FGD2: variants seen among roughly 807,000 people sequenced by gnomAD.
The protein encoded by FGD2 is FYVE, RhoGEF and PH domain-containing protein 2.
FGD2 carries 52 observed loss-of-function variants against 75.9 expected under a neutral mutation model. That is an observed-to-expected ratio of 0.69 (90% confidence interval 0.55 to 0.86). The LOEUF (loss-of-function observed/expected upper bound fraction) is 0.86. Among genes scored for constraint, FGD2 ranks in the 40% least tolerant of loss-of-function variants. The pLI, the probability that FGD2 is intolerant of heterozygous loss-of-function variation, is 0.00. For synonymous variants in FGD2, 347 were observed against 348.6 expected, an observed-to-expected ratio of 1.00 and a Z score of 0.05; for missense variants, 790 against 872.0, an observed-to-expected ratio of 0.91 and a Z score of 1.18.
chr6:37,028,208 C>T lies in FGD2; in HGVS notation c.*45C>T. The T allele has an allele frequency of 2.7e-6, 4 of 1,466,602 alleles. No individual in the cohort carries two copies. In the South Asian group the frequency reaches 5.4e-5, roughly 20 times the overall value. 90.8% of individuals were successfully genotyped at this position (1,466,602 alleles called of 1,614,324 possible). ...CTGCCCACCTCTCCCCACCCTGAACCCAGCTCCTGCCACAGACTGACCCTG... is the reference window on the plus strand; with the variant it reads ...CTGCCCACCTCTCCCCACCCTGAACTCAGCTCCTGCCACAGACTGACCCTG... On this transcript the variant is annotated 3_prime_UTR_variant, in exon 16 of 16. Coordinates refer to ENST00000274963, the MANE Select transcript of FGD2 (RefSeq NM_173558.4).
chr6:37,020,561 T>C lies in FGD2; in HGVS notation c.1143T>C (p.Ala381=). The C allele has an allele frequency of 6.2e-7, 1 of 1,608,326 alleles. No homozygotes were observed. The highest frequency in any genetic ancestry group is 1.7e-5 in the Admixed American group (1 of 59,372). The change falls in exon 10 of 16, where the codon GCT becomes GCC. Residue 381 remains alanine (A), a synonymous_variant. Coordinates refer to ENST00000274963, the MANE Select transcript of FGD2 (RefSeq NM_173558.4). ...GGCAGGTGCGGGAGCTGATGGATGC[T>C]GAGTTTCCCCACTCCTTCCTGGTGT... is the stretch of plus-strand genomic sequence containing the variant. ...AGMKVRELMD[A]EFPHSFLVSG...
intron 13 of FGD2, chr6:37,025,510 C>T (rs979304685): frequency 1.5e-5 from 7 of 458,982 alleles, no homozygotes; most frequent in Non-Finnish European, 2.4e-5. Context: ...TCGGAGGGAA[C>T]CTGGAGGGGA....
intron 6 of FGD2, 177 bp downstream of exon 6, chr6:37,014,277 CAG>C: frequency 2.5e-6 from 2 of 797,448 alleles, no homozygotes; most frequent in South Asian, 3.7e-5. Context: ...CACTAAGGCC[CAG>C]AGAGGTTTAG....
At chr6:37,007,629 T>G (rs1485737817) in intron 1 of FGD2, among the ~76,000 whole-genome samples, 2 of 152,236 alleles carry the variant, frequency 1.3e-5, no homozygotes, top group Non-Finnish European at 2.9e-5. Context: ...ACCAACTGCC[T>G]TGGCCTGGGC....
intron 4 of FGD2, among the ~76,000 whole-genome samples, chr6:37,012,639 A>T (rs1765065261): frequency 6.6e-6 from 1 of 151,512 alleles, no homozygotes; most frequent in African/African-American, 2.4e-5. Flanking sequence ...TGGAGCCCGG[A>T]AAGTCGAGGC....
intron 14 of FGD2, among the ~76,000 whole-genome samples, chr6:37,026,750 A>G (rs1044769036): frequency 2.0e-5 from 3 of 152,046 alleles, no homozygotes; most frequent in African/African-American, 7.3e-5. Context: ...CTGTAATCCC[A>G]GCACTTTGGG....
Position 37,007,385 on chromosome 6 carries a change from G to A in FGD2, c.69-1449G>A, listed in dbSNP as rs115668457. 4.6e-3 allele frequency among the ~76,000 whole-genome samples: 695 copies of A among 152,326 alleles called. 2 individuals carry two copies. Among genetic ancestry groups the A allele is most frequent in the African/African-American group, 0.016 (664 of 41,580 alleles). On this transcript the variant is annotated intron_variant, in intron 1 of 15. Transcript: ENST00000274963. The stretch of plus-strand genomic sequence containing the variant: ...CAAGCTCGTCCTGTTCAGCACCAAA[G>A]ACAGCTCTTGGGTGCCGCCTTCCTG...
chr6:37,016,607 C>T (rs1321922069), intron 9 of FGD2, among the ~76,000 whole-genome samples: 3 of 151,010 alleles, frequency 2.0e-5, no homozygotes, highest in Admixed American at 2.0e-4. Context: ...AATCTCGGCT[C>T]ACTGCAACCT....
chr6:37,027,199 G>A (rs952346890), intron 14 of FGD2, among the ~76,000 whole-genome samples: 6 of 152,148 alleles, frequency 3.9e-5, no homozygotes, highest in Middle Eastern at 3.2e-3. Flanking sequence ...CCCCTTGTGG[G>A]CACACACGCG....
Position 37,011,038 on chromosome 6 carries a change from C to A in FGD2, c.366C>A (p.His122Gln). Residue 122 changes from histidine to glutamine, a missense_variant, in exon 3 of 16, where the codon CAC becomes CAA. Transcript: ENST00000274963. ...AGCAGGCCTATGTGGCGCGCCTCCA[C>A]CTGCTAGACCAGGCCAGTGACCAGG... ...ETEQAYVARL[H>Q]LLDQVFFQEL... 1.2e-6 allele frequency: 2 copies of A among 1,614,162 alleles called. No homozygotes were observed. The highest frequency in any genetic ancestry group is 1.7e-6 in the Non-Finnish European group (2 of 1,180,018).
chr6:37,011,890 A>C (rs1398988186), intron 4 of FGD2, 36 bp downstream of exon 4: 6 of 1,606,592 alleles, frequency 3.7e-6, no homozygotes, highest in Admixed American at 1.7e-5. Context: ...GCCTCAGACC[A>C]CAGCCCTGGC....
At position 37,025,934 on chromosome 6, in the gene FGD2, T is replaced by C. The variant is rs1397732595; in HGVS notation, c.1601T>C (p.Leu534Pro). The C allele has an allele frequency of 6.2e-7, 1 of 1,613,986 alleles. No individual in the cohort carries two copies. The highest frequency in any genetic ancestry group is 1.1e-5 in the South Asian group (1 of 91,060). The change falls in exon 14 of 16, where the codon CTG (leucine) becomes CCG (proline). Residue 534 changes from leucine to proline, a missense_variant. Physicochemically the swap from Leu to Pro is moderately conservative, Grantham distance 98. Transcript: ENST00000274963. The part of the protein sequence containing the change: ...EAKEDKRRGI[L>P]EKGSSATPDQ... ...AAGGAGGACAAGAGGCGGGGCATCC[T>C]GGAGGTGAGGGCCACTGTCCCCGCG...
At chr6:37,011,645 C>A (rs533663734) in intron 3 of FGD2, 61 bp from the exon 4 acceptor site, 4 of 1,607,092 alleles carry the variant, frequency 2.5e-6, no homozygotes, top group Non-Finnish European at 3.4e-6. Context: ...CTAGTTCCCC[C>A]GGGCTGATGT....
At chr6:37,008,120 G>T (rs940651770) in intron 1 of FGD2, among the ~76,000 whole-genome samples, 1 of 152,128 alleles carries the variant, frequency 6.6e-6, no homozygotes, top group South Asian at 2.1e-4. Context: ...TGGAGATTTC[G>T]TATTTGTTTG....
intron 11 of FGD2, among the ~76,000 whole-genome samples, 172 bp downstream of exon 11, chr6:37,020,911 T>TGTGTGC (rs1471304388): frequency 9.6e-5 from 14 of 145,528 alleles, no homozygotes; most frequent in South Asian, 2.2e-4. Flanking sequence ...TGTGTGTGTG[T>TGTGTGC]GCATGTGTGT....
chr6:37,021,114 G>GTGTA (rs1765570526), intron 11 of FGD2, among the ~76,000 whole-genome samples: 1 of 151,832 alleles, frequency 6.6e-6, no homozygotes, highest in Non-Finnish European at 1.5e-5. Context: ...GTACGTGCTT[G>GTGTA]TGTGTATGTG....
chr6:37,019,041 A>T (rs1362281852), intron 9 of FGD2, among the ~76,000 whole-genome samples: 1 of 152,170 alleles, frequency 6.6e-6, no homozygotes, highest in Non-Finnish European at 1.5e-5. Flanking sequence ...AGGAGCCCCC[A>T]GTTCCCTTTT....
At chr6:37,010,758 C>T (rs955941280) in intron 2 of FGD2, among the ~76,000 whole-genome samples, 1 of 152,180 alleles carries the variant, frequency 6.6e-6, no homozygotes, top group Admixed American at 6.5e-5. Flanking sequence ...GCTTCCAGGC[C>T]TCTTAAGGCT....
chr6:37,012,348 T>G (rs1046983375), intron 4 of FGD2, among the ~76,000 whole-genome samples: 12 of 152,230 alleles, frequency 7.9e-5, no homozygotes, highest in Admixed American at 1.3e-4. Flanking sequence ...CAAAGAAGAA[T>G]GCTAGTAATT....
Sources: allele counts gnomAD v4.1 joint callset (sites outside exome capture counted in the v4.1 genomes callset), GRCh38; gene constraint gnomAD v4.1.1; transcripts MANE v1.5; gene names NCBI Gene and HGNC (gene_info 2026-07-23, HGNC 2026-07-21).